The following FAAH2 variants were observed in gnomAD, a reference collection of about 807,000 sequenced individuals.
The protein encoded by FAAH2 is fatty acid amide hydrolase 2.
A neutral mutation model predicts 36.9 loss-of-function variants in FAAH2; 60 were observed. The ratio of observed to expected loss-of-function variants is 1.63; its 90% CI spans 1.32 to 2.02. The LOEUF (loss-of-function observed/expected upper bound fraction) is 2.02, where lower values mean the gene tolerates loss of function less well. FAAH2 is among the 30% of genes most tolerant of loss of function. The pLI, the probability that FAAH2 is intolerant of heterozygous loss-of-function variation, is 0.00. For synonymous variants in FAAH2, 214 were observed against 143.8 expected (o/e 1.49, Z -3.49); for missense variants, 689 against 397.5 (o/e 1.73, Z -6.23).
the FAAH2 span, among the ~76,000 whole-genome samples, chrX:57,217,601 G>T: frequency 9.0e-6 from 1 of 111,388 alleles, no homozygotes; most frequent in African/African-American, 3.3e-5. Context: ...TAAGCATTTT[G>T]GTTTATTTCT....
At chrX:57,473,906 G>T (rs1412903994) in intron 10 of FAAH2, among the ~76,000 whole-genome samples, 22 of 111,069 alleles carry the variant, frequency 2.0e-4, no homozygotes. Context: ...TTGTGCCTTT[G>T]GCCAGTAGGT....
the FAAH2 span, among the ~76,000 whole-genome samples, chrX:57,141,059 G>A: frequency 8.9e-6 from 1 of 112,098 alleles, no homozygotes; most frequent in African/African-American, 3.2e-5. Flanking sequence ...CATTTCATAT[G>A]ATGCTAGCTG....
the FAAH2 span, among the ~76,000 whole-genome samples, chrX:57,256,568 A>G: frequency 8.9e-6 from 1 of 111,885 alleles, no homozygotes; most frequent in Non-Finnish European, 1.9e-5. Flanking sequence ...AGACTTAAAC[A>G]TAAAACCTAG....
intron 5 of FAAH2, among the ~76,000 whole-genome samples, chrX:57,372,746 T>A (rs2147184767): frequency 9.1e-6 from 1 of 110,437 alleles, no homozygotes; most frequent in East Asian, 2.8e-4. Context: ...TTACAATAGG[T>A]TTTTGGGGAA....
chrX:57,382,811 C>T (rs974461329), intron 7 of FAAH2, among the ~76,000 whole-genome samples: 2 of 111,491 alleles, frequency 1.8e-5, no homozygotes, highest in East Asian at 2.8e-4. Context: ...AGGGAATCCT[C>T]CCTAACTCAT....
chrX:57,263,856 A>G, the FAAH2 span, among the ~76,000 whole-genome samples: 1 of 111,928 alleles, frequency 8.9e-6, no homozygotes, highest in East Asian at 2.8e-4. Context: ...AGAAACATAG[A>G]TAAATGGAAC....
Position 57,369,062 on chromosome X carries a change from A to C in FAAH2, c.743-9589A>C, listed in dbSNP as rs373207745. On this transcript the variant is annotated intron_variant, in intron 5 of 10. Coordinates refer to ENST00000374900, the MANE Select transcript of FAAH2 (RefSeq NM_174912.4). ...AAACAAACATAAATTGTGGAGCTGAAGAATTCAACCAACGAAATAAATAAG... is the reference window on the plus strand; with the variant it reads ...AAACAAACATAAATTGTGGAGCTGACGAATTCAACCAACGAAATAAATAAG... 2.0e-3 allele frequency among the ~76,000 whole-genome samples: 221 copies of C among 108,340 alleles called. 2 individuals carry two copies. Among genetic ancestry groups the C allele is most frequent in the African/African-American group, 7.2e-3 (213 of 29,716 alleles). 94.1% of individuals were successfully genotyped at this position (108,340 alleles called of 115,157 possible).
intron 5 of FAAH2, among the ~76,000 whole-genome samples, chrX:57,361,241 G>T (rs977748832): frequency 3.6e-5 from 4 of 111,105 alleles, no homozygotes; most frequent in Non-Finnish European, 5.7e-5. Flanking sequence ...ACCATCTTAG[G>T]TTATATATGT....
At chrX:57,151,973 A>G in the FAAH2 span, among the ~76,000 whole-genome samples, 1 of 111,717 alleles carries the variant, frequency 9.0e-6, no homozygotes, top group Admixed American at 9.5e-5. Context: ...TTTTCCTTCT[A>G]ACAGACAGGA....
chrX:57,422,302 C>A (rs2056057701), intron 7 of FAAH2, among the ~76,000 whole-genome samples: 1 of 111,852 alleles, frequency 8.9e-6, no homozygotes, highest in Non-Finnish European at 1.9e-5. Context: ...ATTACCACCC[C>A]TGCATCCTTT....
intron 7 of FAAH2, chrX:57,394,569 G>A (rs1008697733): frequency 2.8e-5 from 34 of 1,201,890 alleles, no homozygotes; most frequent in Non-Finnish European, 3.8e-5. Context: ...TCCAGGAAAC[G>A]CTTGGCACTC....
chrX:57,377,259 C>T (rs1464215720), intron 5 of FAAH2, among the ~76,000 whole-genome samples: 2 of 112,113 alleles, frequency 1.8e-5, no homozygotes, highest in Admixed American at 9.5e-5. Context: ...AGGTTTTCTT[C>T]CAGGATTTTT....
intron 3 of FAAH2, among the ~76,000 whole-genome samples, chrX:57,315,961 CTG>C: frequency 8.9e-6 from 1 of 111,746 alleles, no homozygotes. Flanking sequence ...AGAAGTCAAA[CTG>C]TCTCTCTGTT....
chrX:57,286,842 C>T lies in FAAH2; in HGVS notation c.17C>T (p.Thr6Ile), dbSNP rs769698928. ...CAGGCTGCGATGGCACCTTCATTTA[C>T]CGCCCGCATTCAGTTGTTCCTCTTG... Reference protein sequence around the residue: MAPSFTARIQLFLLRA... With the variant: MAPSFIARIQLFLLRA... The change falls in exon 1 of 11, where the codon ACC (threonine) becomes ATC (isoleucine). Residue 6 changes from threonine to isoleucine, a missense_variant. By Grantham distance (89) the Thr-to-Ile change is moderately conservative. Transcript: ENST00000374900. 3.4e-6 allele frequency: 4 copies of T among 1,182,068 alleles called. No individual in the cohort carries two copies. The highest frequency in any genetic ancestry group is 4.5e-6 in the Non-Finnish European group (4 of 879,908).
chrX:57,215,878 G>T, the FAAH2 span, among the ~76,000 whole-genome samples: 2 of 98,122 alleles, frequency 2.0e-5, no homozygotes, highest in Non-Finnish European at 4.0e-5. Flanking sequence ...ATGACAGGTT[G>T]TTGGGTACAG....
chrX:57,218,302 C>A, the FAAH2 span, among the ~76,000 whole-genome samples: 6 of 111,742 alleles, frequency 5.4e-5, no homozygotes, highest in Non-Finnish European at 7.5e-5. Context: ...ATGCTTTCAA[C>A]TTTTCCCCAT....
chrX:57,388,548 A>G (rs767981223), intron 7 of FAAH2, among the ~76,000 whole-genome samples: 1 of 111,447 alleles, frequency 9.0e-6, no homozygotes, highest in African/African-American at 3.2e-5. Flanking sequence ...GTCCATGGGT[A>G]GCCCCTCTTT....
the FAAH2 span, among the ~76,000 whole-genome samples, chrX:57,220,985 G>T: frequency 8.9e-6 from 1 of 111,987 alleles, no homozygotes; most frequent in African/African-American, 3.2e-5. Context: ...GATGGTGGCA[G>T]GTAGGCCAGT....
the FAAH2 span, among the ~76,000 whole-genome samples, chrX:57,177,467 A>T: frequency 9.7e-6 from 1 of 102,658 alleles, no homozygotes; most frequent in Non-Finnish European, 2.0e-5. Context: ...TAATAATAAT[A>T]ATATATATAT....
Sources: allele counts gnomAD v4.1 joint callset (sites outside exome capture counted in the v4.1 genomes callset), GRCh38; gene constraint gnomAD v4.1.1; transcripts MANE v1.5; gene names NCBI Gene and HGNC (gene_info 2026-07-23, HGNC 2026-07-21).